The following SORCS1 variants were observed in gnomAD, a reference collection of about 807,000 sequenced individuals.
SORCS1 encodes VPS10 domain-containing receptor SorCS1.
In SORCS1, 60 loss-of-function variants were observed where a neutral mutation model predicts 146.1. The ratio of observed to expected loss-of-function variants is 0.41; its 90% confidence interval spans 0.33 to 0.51. The LOEUF is 0.51. Among genes scored for constraint, SORCS1 ranks in the 20% least tolerant of loss-of-function variants. The pLI, the probability that SORCS1 is intolerant of heterozygous loss-of-function variation, is 0.21. For missense variants in SORCS1, 1,352 were observed against 1,487.6 expected, an observed-to-expected ratio of 0.91 and a Z score of 1.50; for synonymous variants, 637 against 584.0, an observed-to-expected ratio of 1.09 and a Z score of -1.31.
intron 1 of SORCS1, among the ~76,000 whole-genome samples, chr10:107,017,250 C>T (rs950587475): frequency 6.6e-6 from 1 of 152,190 alleles, no homozygotes; most frequent in African/African-American, 2.4e-5. Context: ...ACAATTCACA[C>T]ACCCATAAAC....
At position 106,574,446 on chromosome 10, in the gene SORCS1, T is replaced by G. The variant is rs2133167048; in HGVS notation, c.*2974A>C. 1 of 152,726 alleles carries G rather than the reference T, an allele frequency of 6.5e-6. No individual in the cohort carries two copies. Among genetic ancestry groups the G allele is most frequent in the African/African-American group, 2.4e-5 (1 of 41,544 alleles). The allele number at this position is 152,726 out of a possible 1,614,324, so 9.5% of individuals were successfully genotyped here. Reference sequence around the variant, plus strand: ...CTGCGATTAGCGAGTAGGTAGGCACTTAGGTCCCTCCCATTTGTAGGCTCT... The same window carrying G: ...CTGCGATTAGCGAGTAGGTAGGCACGTAGGTCCCTCCCATTTGTAGGCTCT... On this transcript the variant is annotated 3_prime_UTR_variant, in exon 26 of 26. Transcript: ENST00000263054.
In SORCS1 at chr10:106,596,713, T is replaced by A. The variant is rs112691165; in HGVS notation, c.3265+638A>T. On this transcript the variant is annotated intron_variant, in intron 24 of 25. Transcript: ENST00000263054. ...CGTAAAGAAAGAAAATTCTTTGTAA[T>A]ATGAATATGTTGAAAATAAGACTTT... is the stretch of plus-strand genomic sequence containing the variant. Among the ~76,000 whole-genome samples, 411 of 152,316 alleles carry A rather than the reference T, an allele frequency of 2.7e-3. 1 individual carries two copies. Among genetic ancestry groups the A allele is most frequent in the African/African-American group, 9.2e-3 (383 of 41,556 alleles).
At chr10:106,703,250 C>G (rs1854262462) in intron 8 of SORCS1, among the ~76,000 whole-genome samples, 1 of 151,944 alleles carries the variant, frequency 6.6e-6, no homozygotes, top group Non-Finnish European at 1.5e-5. Flanking sequence ...AGTGACAGAT[C>G]TGGGTCCCTA....
At chr10:107,076,896 G>C (rs1590080130) in intron 1 of SORCS1, among the ~76,000 whole-genome samples, 1 of 152,286 alleles carries the variant, frequency 6.6e-6, no homozygotes, top group South Asian at 2.1e-4. Context: ...CATGAGAATA[G>C]TTAGTGTGTT....
chr10:106,963,237 TC>T lies in SORCS1; in HGVS notation c.559-6658del, dbSNP rs1955340466. Among the ~76,000 whole-genome samples, 4 of 148,524 alleles carry T rather than the reference TC, an allele frequency of 2.7e-5. No individual in the cohort carries two copies. In the South Asian group the frequency reaches 8.9e-4, roughly 33 times the overall value. Reference sequence around the variant, plus strand: ...TTCACGCCATTCTCCTGCCTCAGCCTCCCAAGTAGCTGGGACTACAGGCGCC... The same window carrying T: ...TTCACGCCATTCTCCTGCCTCAGCCTCCAAGTAGCTGGGACTACAGGCGCC... On this transcript the variant is annotated intron_variant, in intron 1 of 25. Transcript: ENST00000263054.
intron 1 of SORCS1, among the ~76,000 whole-genome samples, chr10:106,959,078 G>T (rs1456124100): frequency 6.6e-6 from 1 of 152,342 alleles, no homozygotes; most frequent in East Asian, 1.9e-4. Flanking sequence ...AGGTGCCCCG[G>T]AGAAGGAACC....
intron 5 of SORCS1, among the ~76,000 whole-genome samples, chr10:106,756,423 T>A (rs1320095100): frequency 6.6e-6 from 1 of 152,198 alleles, no homozygotes; most frequent in African/African-American, 2.4e-5. Context: ...CCCATGATTT[T>A]TTTACTTAGT....
intron 2 of SORCS1, among the ~76,000 whole-genome samples, chr10:106,914,711 C>T (rs1477958442): frequency 6.6e-6 from 1 of 152,168 alleles, no homozygotes; most frequent in Non-Finnish European, 1.5e-5. Context: ...ATCCAATTAG[C>T]TCATTAGCCA....
intron 2 of SORCS1, among the ~76,000 whole-genome samples, chr10:106,902,102 GATA>G (rs1180788531): frequency 6.6e-6 from 1 of 152,010 alleles, no homozygotes; most frequent in Non-Finnish European, 1.5e-5. Flanking sequence ...ACTAAAATAT[GATA>G]ATGTACAATA....
intron 1 of SORCS1, among the ~76,000 whole-genome samples, chr10:107,157,909 A>G (rs948101672): frequency 6.6e-6 from 1 of 152,210 alleles, no homozygotes. Context: ...TTTCCCCTCC[A>G]GGAGACACAA....
chr10:107,161,604 C>G (rs966945765), intron 1 of SORCS1, among the ~76,000 whole-genome samples: 2 of 152,062 alleles, frequency 1.3e-5, no homozygotes, highest in Non-Finnish European at 2.9e-5. Context: ...CCACATTCAG[C>G]GGACACTCAA....
intron 2 of SORCS1, among the ~76,000 whole-genome samples, chr10:106,894,925 T>G (rs577338587): frequency 6.6e-6 from 1 of 152,342 alleles, no homozygotes; most frequent in South Asian, 2.1e-4. Context: ...AACACATTAT[T>G]TGGCATTTGA....
chr10:106,617,446 C>T (rs1398137377), intron 21 of SORCS1, among the ~76,000 whole-genome samples: 2 of 152,138 alleles, frequency 1.3e-5, no homozygotes, highest in African/African-American at 2.4e-5. Context: ...AGTGCATATC[C>T]ATATGACTAT....
At chr10:107,105,665 A>G (rs1254973226) in intron 1 of SORCS1, among the ~76,000 whole-genome samples, 1 of 150,052 alleles carries the variant, frequency 6.7e-6, no homozygotes, top group African/African-American at 2.5e-5. Context: ...TACTCCTTCC[A>G]TATTCCTCTG....
At chr10:107,012,191 A>C (rs1957723336) in intron 1 of SORCS1, among the ~76,000 whole-genome samples, 1 of 152,102 alleles carries the variant, frequency 6.6e-6, no homozygotes, top group Admixed American at 6.5e-5. Context: ...CCATTTTCCA[A>C]GTTGTGGTTT....
chr10:107,074,323 A>G (rs984406981), intron 1 of SORCS1, among the ~76,000 whole-genome samples: 1 of 151,980 alleles, frequency 6.6e-6, no homozygotes, highest in Admixed American at 6.6e-5. Context: ...GGCTTTTTTC[A>G]TTTAGTAATA....
intron 18 of SORCS1, among the ~76,000 whole-genome samples, chr10:106,631,909 C>T (rs1379243089): frequency 6.6e-6 from 1 of 152,060 alleles, no homozygotes; most frequent in Non-Finnish European, 1.5e-5. Flanking sequence ...GTCTGTCTTG[C>T]TGGGTTTTGT....
At chr10:107,169,144 G>C (rs536348772), upstream of SORCS1, among the ~76,000 whole-genome samples, 2 of 152,172 alleles carry the variant, frequency 1.3e-5, no homozygotes, top group East Asian at 3.9e-4. Flanking sequence ...CTTGATTTTT[G>C]ATGGCTACTT....
intron 1 of SORCS1, among the ~76,000 whole-genome samples, chr10:106,962,932 C>G (rs1425304610): frequency 6.6e-6 from 1 of 152,070 alleles, no homozygotes; most frequent in Non-Finnish European, 1.5e-5. Flanking sequence ...GCTCCGATAG[C>G]TACCTCTCTG....
Sources: gnomAD v4.1 joint callset for allele counts (sites outside exome capture counted in the v4.1 genomes callset) on GRCh38, gnomAD v4.1.1 for gene constraint, MANE v1.5 for transcripts, NCBI Gene and HGNC (gene_info 2026-07-23, HGNC 2026-07-21) for gene names.